FOXP2: variants seen among roughly 807,000 people sequenced by gnomAD.
FOXP2 encodes forkhead box protein P2.
FOXP2 carries 12 observed loss-of-function variants against 115.8 expected under a neutral mutation model. That is an observed-to-expected ratio of 0.10 (90% CI 0.07 to 0.17). The LOEUF is 0.17. FOXP2 is among the 10% of genes least tolerant of loss of function. The pLI is 1.00. For synonymous variants in FOXP2, 328 were observed against 297.7 expected (o/e 1.10, Z -1.05); for missense variants, 629 against 843.5 (o/e 0.75, Z 3.15).
chr7:114,613,321 G>T (rs1360328689), intron 3 of FOXP2, among the ~76,000 whole-genome samples: 1 of 152,030 alleles, frequency 6.6e-6, no homozygotes, highest in African/African-American at 2.4e-5. Context: ...GAGATATTTT[G>T]TGCATATTCA....
intron 2 of FOXP2, among the ~76,000 whole-genome samples, chr7:114,383,352 T>C (rs909642963): frequency 3.3e-5 from 5 of 152,262 alleles, no homozygotes; most frequent in African/African-American, 1.2e-4. Flanking sequence ...TCAGGGAACA[T>C]TGGCACTCTT....
chr7:114,194,983 A>G (rs1219801199), intron 1 of FOXP2, among the ~76,000 whole-genome samples: 1 of 152,088 alleles, frequency 6.6e-6, no homozygotes, highest in African/African-American at 2.4e-5. Flanking sequence ...TTTTAATATT[A>G]ATTTTATAAC....
At chr7:114,417,417 A>T (rs1321137537) in intron 1 of FOXP2, among the ~76,000 whole-genome samples, 1 of 151,990 alleles carries the variant, frequency 6.6e-6, no homozygotes, top group Non-Finnish European at 1.5e-5. Context: ...TGTACAAGTC[A>T]ATTAGCACTG....
At chr7:114,593,967 T>G (rs1431090755) in intron 3 of FOXP2, among the ~76,000 whole-genome samples, 1 of 152,038 alleles carries the variant, frequency 6.6e-6, no homozygotes, top group Non-Finnish European at 1.5e-5. Flanking sequence ...TAAAGAAGTT[T>G]CCGTGTCTAT....
intron 2 of FOXP2, among the ~76,000 whole-genome samples, chr7:114,526,052 C>T (rs976899632): frequency 6.6e-6 from 1 of 150,902 alleles, no homozygotes. Context: ...GCAGAGGTTG[C>T]AGTGAGCCAA....
At chr7:114,482,138 A>G (rs1395973588) in intron 2 of FOXP2, among the ~76,000 whole-genome samples, 3 of 151,380 alleles carry the variant, frequency 2.0e-5, no homozygotes, top group Non-Finnish European at 4.4e-5. Context: ...ATTGTCTTGT[A>G]TTTCCTACTT....
chr7:114,664,657 C>T (rs1413125139), intron 16 of FOXP2: 4 of 563,424 alleles, frequency 7.1e-6, no homozygotes, highest in Non-Finnish European at 1.3e-5. Context: ...TCCAGCAGTC[C>T]TCTACAGATT....
rs553670150 is a variant in FOXP2, at chr7:114,659,263, A to G, written c.1469-93A>G. 1.3e-5 allele frequency: 12 copies of G among 935,876 alleles called. No homozygotes were observed. The South Asian group carries it at 1.7e-4, about 13-fold the overall frequency. The allele number at this position is 935,876 out of a possible 1,614,324, so 58.0% of individuals were successfully genotyped here. A position where few individuals can be genotyped will look rare whatever the true frequency, so the allele number is the denominator to read the frequency against. ...TCACTAGTCGGTGGCTTCCTCACTG[A>G]ATCACTTTACCAATACTAGAGGAAA... On this transcript the variant is annotated intron_variant, in intron 11 of 16. Coordinates refer to ENST00000350908, the MANE Select transcript of FOXP2 (RefSeq NM_014491.4).
At chr7:114,372,196 A>T (rs572859494) in intron 2 of FOXP2, among the ~76,000 whole-genome samples, 1 of 152,298 alleles carries the variant, frequency 6.6e-6, no homozygotes, top group South Asian at 2.1e-4. Context: ...TAACAAAAAT[A>T]TCTGTCCTGT....
chr7:114,548,840 A>C (rs1044552130), intron 3 of FOXP2, among the ~76,000 whole-genome samples: 1 of 152,238 alleles, frequency 6.6e-6, no homozygotes, highest in African/African-American at 2.4e-5. Flanking sequence ...AAACGTTTGC[A>C]TATTTTGCAA....
rs892492150 is a variant in FOXP2, at chr7:114,587,342, C to G, written c.259-41198C>G. ...AACATGCAGTGTTTGGTTTTCTGAT[C>G]CTGTGTTCATGCGATGTTTGGTTTT... is the stretch of plus-strand genomic sequence containing the variant. On this transcript the variant is annotated intron_variant, in intron 3 of 16. Coordinates refer to ENST00000350908, the MANE Select transcript of FOXP2 (RefSeq NM_014491.4). Among the ~76,000 whole-genome samples the G allele has an allele frequency of 2.6e-5, 4 of 152,052 alleles. No individual in the cohort carries two copies. The East Asian group carries it at 7.7e-4, about 29-fold the overall frequency.
At chr7:114,293,408 A>G (rs566275281) in intron 2 of FOXP2, among the ~76,000 whole-genome samples, 1 of 152,276 alleles carries the variant, frequency 6.6e-6, no homozygotes, top group East Asian at 1.9e-4. Flanking sequence ...TAAGCCCTTT[A>G]GCAAACAGCC....
chr7:114,257,007 T>G (rs1239680315), intron 1 of FOXP2, among the ~76,000 whole-genome samples: 1 of 152,070 alleles, frequency 6.6e-6, no homozygotes, highest in African/African-American at 2.4e-5. Flanking sequence ...AGCAAAAAGA[T>G]CAAAGCTGAA....
chr7:114,125,048 T>C (rs1047073596), intron 1 of FOXP2, among the ~76,000 whole-genome samples: 12 of 152,134 alleles, frequency 7.9e-5, no homozygotes, highest in Admixed American at 6.6e-5. Flanking sequence ...CCTAATTCTG[T>C]GCAAATAACC....
intron 16 of FOXP2, among the ~76,000 whole-genome samples, chr7:114,685,315 G>A (rs1218459336): frequency 6.6e-6 from 1 of 151,984 alleles, no homozygotes; most frequent in African/African-American, 2.4e-5. Context: ...TTAATACATA[G>A]TATTAGTTAT....
At chr7:114,431,565 T>C (rs1794113439) in intron 2 of FOXP2, among the ~76,000 whole-genome samples, 1 of 151,968 alleles carries the variant, frequency 6.6e-6, no homozygotes, top group Non-Finnish European at 1.5e-5. Flanking sequence ...TATGTTAAGT[T>C]CACATTATTT....
At chr7:114,387,888 A>G (rs1792491494) in intron 2 of FOXP2, among the ~76,000 whole-genome samples, 1 of 152,212 alleles carries the variant, frequency 6.6e-6, no homozygotes, top group Non-Finnish European at 1.5e-5. Context: ...CCCTATCAGA[A>G]CAATAAAAGA....
At chr7:114,301,689 A>G (rs773978597) in intron 2 of FOXP2, among the ~76,000 whole-genome samples, 1 of 152,158 alleles carries the variant, frequency 6.6e-6, no homozygotes, top group African/African-American at 2.4e-5. Context: ...ATCTCTTTTA[A>G]GTATAATATT....
intron 2 of FOXP2, among the ~76,000 whole-genome samples, chr7:114,490,156 A>C (rs1041946471): frequency 6.6e-6 from 1 of 152,160 alleles, no homozygotes; most frequent in South Asian, 2.1e-4. Flanking sequence ...ATCCCAAAGC[A>C]TGGAAGCAAC....
Sources: allele counts gnomAD v4.1 joint callset (sites outside exome capture counted in the v4.1 genomes callset), GRCh38; gene constraint gnomAD v4.1.1; transcripts MANE v1.5; gene names NCBI Gene and HGNC (gene_info 2026-07-23, HGNC 2026-07-21).